The following PRKG1 variants were observed in gnomAD, a reference collection of about 807,000 sequenced individuals.
PRKG1 encodes cGMP-dependent protein kinase 1.
In PRKG1, 35 loss-of-function variants were observed where a neutral mutation model predicts 88.1. The observed-to-expected ratio is 0.40, with a 90% CI of 0.30 to 0.53. The LOEUF is 0.53. Ranked by LOEUF, PRKG1 falls within the 20% of genes least tolerant of loss-of-function variation. PRKG1 has a pLI of 0.59. For missense variants in PRKG1, 540 were observed against 839.8 expected, an observed-to-expected ratio of 0.64 and a Z score of 4.41; for synonymous variants, 303 against 292.5, an observed-to-expected ratio of 1.04 and a Z score of -0.37.
intron 3 of PRKG1, among the ~76,000 whole-genome samples, chr10:51,737,740 A>AATTATTATTATT (rs200144590): frequency 4.9e-4 from 66 of 133,412 alleles, no homozygotes; most frequent in Non-Finnish European, 7.7e-4. Flanking sequence ...TTTATTTATT[A>AATTATTATTATT]ATTATTATTA....
At chr10:51,371,255 T>C (rs1842700118) in intron 2 of PRKG1, among the ~76,000 whole-genome samples, 1 of 151,868 alleles carries the variant, frequency 6.6e-6, no homozygotes, top group Non-Finnish European at 1.5e-5. Flanking sequence ...ATGATGATCA[T>C]GCCAGGAATG....
intron 2 of PRKG1, among the ~76,000 whole-genome samples, chr10:51,364,858 A>G (rs1842557241): frequency 1.3e-5 from 2 of 151,908 alleles, no homozygotes; most frequent in African/African-American, 4.8e-5. Context: ...CCAAGTTGAT[A>G]AGGCTATGAA....
At chr10:51,699,556 G>A (rs768248166) in intron 3 of PRKG1, 2 of 1,603,814 alleles carry the variant, frequency 1.2e-6, no homozygotes, top group African/African-American at 2.7e-5. Flanking sequence ...ACATGATTCC[G>A]GTTGTGCAGA....
At chr10:52,161,863 A>T in intron 8 of PRKG1, 26 bp from the exon 9 acceptor site, 1 of 1,605,370 alleles carries the variant, frequency 6.2e-7, no homozygotes, top group Non-Finnish European at 8.5e-7. Context: ...TAGAAGATTA[A>T]TCACTGTGCT....
chr10:52,276,434 A>T (rs1229928077), intron 12 of PRKG1, among the ~76,000 whole-genome samples: 1 of 152,164 alleles, frequency 6.6e-6, no homozygotes, highest in Non-Finnish European at 1.5e-5. Context: ...TTGATGAGAG[A>T]TGCTTAGCTC....
At chr10:51,722,815 A>G (rs1842044655) in intron 3 of PRKG1, among the ~76,000 whole-genome samples, 1 of 152,358 alleles carries the variant, frequency 6.6e-6, no homozygotes, top group East Asian at 1.9e-4. Context: ...TTATAGATAC[A>G]AGAGAGAGTT....
chr10:51,712,993 T>C (rs1841799074), intron 3 of PRKG1, among the ~76,000 whole-genome samples: 2 of 151,824 alleles, frequency 1.3e-5, no homozygotes, highest in South Asian at 4.2e-4. Context: ...TTTTGATGGA[T>C]GAGAAAACTG....
At chr10:51,591,762 AC>A (rs1459510981) in intron 3 of PRKG1, among the ~76,000 whole-genome samples, 1 of 152,202 alleles carries the variant, frequency 6.6e-6, no homozygotes, top group East Asian at 1.9e-4. Context: ...TTTCAATTAG[AC>A]AAAAAAAAGA....
chr10:51,860,080 A>G (rs1441669348), intron 4 of PRKG1, among the ~76,000 whole-genome samples: 2 of 152,114 alleles, frequency 1.3e-5, no homozygotes, highest in Non-Finnish European at 2.9e-5. Flanking sequence ...GGGGAAGTAC[A>G]TTTCTTCAAG....
At position 51,301,587 on chromosome 10, in the gene PRKG1, TA is replaced by T. The variant is rs1174615712; in HGVS notation, c.478+148259del. ...CAAATGGAGCAACAGAAATCCATAG[TA>T]ATCTATCCAAAAAAGAAAGACCAAA... is the stretch of plus-strand genomic sequence containing the variant. On this transcript the variant is annotated intron_variant, in intron 2 of 17. Coordinates refer to ENST00000373980, the MANE Select transcript of PRKG1 (RefSeq NM_006258.4). Among the ~76,000 whole-genome samples, 7 of 152,246 alleles carry T rather than the reference TA, an allele frequency of 4.6e-5. No individual in the cohort carries two copies. In the East Asian group the frequency reaches 1.2e-3, roughly 25 times the overall value.
chr10:52,105,006 T>A (rs1026370951), intron 7 of PRKG1, among the ~76,000 whole-genome samples: 4 of 152,188 alleles, frequency 2.6e-5, no homozygotes, highest in African/African-American at 9.6e-5. Flanking sequence ...AATTGTAGTT[T>A]TAAAAAATTA....
At chr10:52,086,186 T>C (rs1846909089) in intron 7 of PRKG1, among the ~76,000 whole-genome samples, 1 of 152,080 alleles carries the variant, frequency 6.6e-6, no homozygotes, top group South Asian at 2.1e-4. Flanking sequence ...GATCATTCCC[T>C]CCCCATCCTT....
intron 4 of PRKG1, among the ~76,000 whole-genome samples, chr10:51,866,419 A>G (rs140496328): frequency 6.6e-6 from 1 of 152,276 alleles, no homozygotes; most frequent in East Asian, 1.9e-4. Context: ...ATTGCCAAAC[A>G]TAATTATTTT....
chr10:52,007,813 C>G (rs138694323), intron 5 of PRKG1, among the ~76,000 whole-genome samples: 6 of 152,254 alleles, frequency 3.9e-5, no homozygotes, highest in African/African-American at 1.4e-4. Flanking sequence ...CTAAAAGCAA[C>G]AGAATATACA....
intron 3 of PRKG1, among the ~76,000 whole-genome samples, chr10:51,481,701 A>G (rs1205557851): frequency 6.6e-6 from 1 of 151,708 alleles, no homozygotes; most frequent in Non-Finnish European, 1.5e-5. Context: ...GAGAAATCAT[A>G]GTAGCTTTGG....
At chr10:51,970,297 C>G (rs1843677078) in intron 5 of PRKG1, among the ~76,000 whole-genome samples, 1 of 151,832 alleles carries the variant, frequency 6.6e-6, no homozygotes, top group Non-Finnish European at 1.5e-5. Context: ...CATCACAACA[C>G]TTTTTCTTTT....
intron 2 of PRKG1, among the ~76,000 whole-genome samples, chr10:51,196,719 G>A (rs1837776754): frequency 6.6e-6 from 1 of 152,134 alleles, no homozygotes; most frequent in African/African-American, 2.4e-5. Flanking sequence ...GGATAGGTGT[G>A]ACTCATAACA....
intron 1 of PRKG1, among the ~76,000 whole-genome samples, chr10:51,048,410 G>A (rs1346404620): frequency 2.0e-5 from 3 of 151,890 alleles, no homozygotes; most frequent in African/African-American, 7.3e-5. Flanking sequence ...ATTCTACAAA[G>A]AGTATAACAA....
chr10:51,650,968 C>T (rs908211465), intron 3 of PRKG1, among the ~76,000 whole-genome samples: 1 of 152,080 alleles, frequency 6.6e-6, no homozygotes, highest in African/African-American at 2.4e-5. Context: ...GCGATTGTAC[C>T]CTCCAGGAGA....
Sources: allele counts gnomAD v4.1 joint callset (sites outside exome capture counted in the v4.1 genomes callset), GRCh38; gene constraint gnomAD v4.1.1; transcripts MANE v1.5; gene names NCBI Gene and HGNC (gene_info 2026-07-23, HGNC 2026-07-21).